FSIP2: variants seen among roughly 807,000 people sequenced by gnomAD.
FSIP2 encodes fibrous sheath-interacting protein 2.
FSIP2 carries 367 observed loss-of-function variants against 510.5 expected under a neutral mutation model. The ratio of observed to expected loss-of-function variants is 0.72; its 90% CI spans 0.66 to 0.78. The LOEUF is 0.78. Among genes scored for constraint, FSIP2 ranks in the 30% least tolerant of loss-of-function variants. FSIP2 has a pLI of 0.00. For synonymous variants in FSIP2, 2,601 were observed against 2,732.2 expected, an observed-to-expected ratio of 0.95 and a Z score of 1.50; for missense variants, 7,594 against 7,901.7, an observed-to-expected ratio of 0.96 and a Z score of 1.48.
rs377418759 is a variant in FSIP2, at chr2:185,806,389, C to T, written c.17083C>T (p.Pro5695Ser). 7.4e-6 allele frequency: 12 copies of T among 1,611,582 alleles called. No homozygotes were observed. The African/African-American group carries it at 1.6e-4, about 22-fold the overall frequency. Residue 5695 changes from proline (P) to serine (S), a missense_variant, in exon 17 of 23, where the codon CCA becomes TCA. Pro to Ser is a moderately conservative substitution (Grantham distance 74). Transcript: ENST00000424728. ...AGATGTTTTAGAACTATCTTCTTCTCCAGAACCAGCATATTATTCGAAACT... is the reference window on the plus strand; with the variant it reads ...AGATGTTTTAGAACTATCTTCTTCTTCAGAACCAGCATATTATTCGAAACT... Reference protein sequence around the residue: ...FEDVLELSSSPEPAYYSKLSY... With the variant: ...FEDVLELSSSSEPAYYSKLSY...
At position 185,797,495 on chromosome 2, in the gene FSIP2, G is replaced by A. The variant is rs1693320779; in HGVS notation, c.10359G>A (p.Val3453=). The part of the protein sequence containing the change: ...HLIARHVTTS[V]VTYLKNFETT... ...TAGCAAGACATGTCACCACATCTGT[G>A]GTCACATATTTGAAGAACTTTGAAA... The change falls in exon 16 of 23, where the codon GTG becomes GTA. Residue 3453 remains valine, a synonymous_variant. Coordinates refer to ENST00000424728, the MANE Select transcript of FSIP2 (RefSeq NM_173651.4). The A allele has an allele frequency of 1.3e-6, 2 of 1,503,654 alleles. No homozygotes were observed. Among genetic ancestry groups the A allele is most frequent in the African/African-American group, 1.4e-5 (1 of 70,670 alleles). The allele number at this position is 1,503,654 out of a possible 1,614,324, so 93.1% of individuals were successfully genotyped here.
chr2:185,804,828 G>T lies in FSIP2; in HGVS notation c.15522G>T (p.Met5174Ile). The change falls in exon 17 of 23, where the codon ATG (methionine) becomes ATT (isoleucine). Residue 5174 changes from methionine (M) to isoleucine (I), a missense_variant. Physicochemically the swap from Met to Ile is conservative, Grantham distance 10. Coordinates refer to ENST00000424728, the MANE Select transcript of FSIP2 (RefSeq NM_173651.4). ...EISEHEIRLS[M>I]AEDNAESMQL... ...CTGAACATGAGATTCGACTTTCCAT[G>T]GCAGAGGATAATGCAGAAAGTATGC... is the stretch of plus-strand genomic sequence containing the variant. 6.5e-7 allele frequency: 1 copy of T among 1,532,366 alleles called. No individual in the cohort carries two copies. The highest frequency in any genetic ancestry group is 8.7e-7 in the Non-Finnish European group (1 of 1,144,742). 94.9% of individuals were successfully genotyped at this position (1,532,366 alleles called of 1,614,324 possible).
intron 20 of FSIP2, among the ~76,000 whole-genome samples, chr2:185,827,354 T>A (rs145136144): frequency 0.012 from 1,841 of 151,912 alleles, 15 homozygotes; most frequent in South Asian, 0.027. Context: ...AAATGCATAG[T>A]TTTTTCTTAT....
At chr2:185,832,827 C>T (rs1694132601) in intron 22 of FSIP2, among the ~76,000 whole-genome samples, 1 of 151,888 alleles carries the variant, frequency 6.6e-6, no homozygotes, top group Non-Finnish European at 1.5e-5. Flanking sequence ...TAGGTGTCCA[C>T]ACTGTATAGA....
Position 185,797,321 on chromosome 2 carries a change from A to G in FSIP2, c.10185A>G (p.Glu3395=). ...QDKKINYIPE[E]ENENLEASRE... ...AAAAAATCAACTATATACCTGAGGA[A>G]GAAAATGAAAACCTTGAAGCCAGCC... Residue 3395 remains glutamate (E), a synonymous_variant, in exon 16 of 23, where the codon GAA becomes GAG. Coordinates refer to ENST00000424728, the MANE Select transcript of FSIP2 (RefSeq NM_173651.4). 1 of 1,525,134 alleles carries G rather than the reference A, an allele frequency of 6.6e-7. No individual in the cohort carries two copies. The allele number at this position is 1,525,134 out of a possible 1,614,324, so 94.5% of individuals were successfully genotyped here.
In FSIP2 at chr2:185,806,765, A is replaced by G; in HGVS notation, c.17459A>G (p.Asn5820Ser). ...DRCQNVSDKQ[N>S]QAKLYDTAMK... is the part of the protein sequence containing the mutation. ...TGTCAAAATGTTAGTGATAAGCAAA[A>G]TCAAGCCAAACTCTATGACACTGCT... Residue 5820 changes from asparagine (N) to serine (S), a missense_variant, in exon 17 of 23, where the codon AAT becomes AGT. Physicochemically the swap from Asn to Ser is conservative, Grantham distance 46. Coordinates refer to ENST00000424728, the MANE Select transcript of FSIP2 (RefSeq NM_173651.4). 1 of 1,612,012 alleles carries G rather than the reference A, an allele frequency of 6.2e-7. No homozygotes were observed. The highest frequency in any genetic ancestry group is 8.5e-7 in the Non-Finnish European group (1 of 1,178,780).
chr2:185,816,927 A>G (rs1401164618), intron 19 of FSIP2, among the ~76,000 whole-genome samples: 2 of 150,716 alleles, frequency 1.3e-5, no homozygotes, highest in African/African-American at 4.9e-5. Flanking sequence ...AAAAGAGTAA[A>G]TGAGAAAGAG....
intron 13 of FSIP2, among the ~76,000 whole-genome samples, chr2:185,778,194 G>T (rs1337581277): frequency 6.6e-6 from 1 of 151,960 alleles, no homozygotes; most frequent in East Asian, 1.9e-4. Context: ...TTGCTAAGCA[G>T]ATGTACTCAG....
intron 13 of FSIP2, 94 bp downstream of exon 13, chr2:185,764,659 G>A: frequency 1.1e-6 from 1 of 881,294 alleles, no homozygotes; most frequent in Non-Finnish European, 1.7e-6. Context: ...TAGATATGGT[G>A]CTAAGTTTTA....
chr2:185,763,213 T>A lies in FSIP2; in HGVS notation c.1271T>A (p.Ile424Asn). The A allele has an allele frequency of 6.6e-7, 1 of 1,507,806 alleles. No homozygotes were observed. Among genetic ancestry groups the A allele is most frequent in the African/African-American group, 1.4e-5 (1 of 72,376 alleles). 93.4% of individuals were successfully genotyped at this position (1,507,806 alleles called of 1,614,324 possible). The change falls in exon 12 of 23, where the codon ATT (isoleucine) becomes AAT (asparagine). Residue 424 changes from isoleucine to asparagine, a missense_variant. Ile to Asn is a moderately radical substitution (Grantham distance 149). Coordinates refer to ENST00000424728, the MANE Select transcript of FSIP2 (RefSeq NM_173651.4). ...ATAAATATTTCAGGCCAAGGTTCAA[T>A]TATTTCAGCGCAGGTATCACCCACG... ...GGINISGQGS[I>N]ISAQVSPTRN...
chr2:185,746,683 T>G lies in FSIP2; in HGVS notation c.632T>G (p.Ile211Arg), dbSNP rs1372322643. ...RLMRHRYLDM[I>R]SRKLEQLERT... ...CTCTTACTCAGATATTTGGATATGA[T>G]AAGTAGAAAACTAGAACAACTTGAA... Residue 211 changes from isoleucine to arginine, a missense_variant, in exon 6 of 23, where the codon ATA (isoleucine) becomes AGA (arginine). By Grantham distance (97) the Ile-to-Arg change is moderately conservative (BLOSUM62 -3). Coordinates refer to ENST00000424728, the MANE Select transcript of FSIP2 (RefSeq NM_173651.4). The G allele has an allele frequency of 6.6e-7, 1 of 1,515,654 alleles. No homozygotes were observed. Among genetic ancestry groups the G allele is most frequent in the Non-Finnish European group, 8.8e-7 (1 of 1,138,992 alleles). 93.9% of individuals were successfully genotyped at this position (1,515,654 alleles called of 1,614,324 possible). A position where few individuals can be genotyped will look rare whatever the true frequency, so the allele number is the denominator to read the frequency against.
rs1415493984 is a variant in FSIP2, at chr2:185,789,022, A to G, written c.1886A>G (p.Asn629Ser). The G allele has an allele frequency of 6.5e-7, 1 of 1,534,110 alleles. No homozygotes were observed. The highest frequency in any genetic ancestry group is 8.7e-7 in the Non-Finnish European group (1 of 1,145,548). ...GQSIISKHKY[N>S]KTNLLYSYPK... The stretch of plus-strand genomic sequence containing the variant: ...TCTATAATCTCTAAACATAAATATA[A>G]TAAAACCAACTTGCTATATTCATAC... The change falls in exon 16 of 23, where the codon AAT (asparagine) becomes AGT (serine). Residue 629 changes from asparagine to serine, a missense_variant. By Grantham distance (46) the Asn-to-Ser change is conservative. Transcript: ENST00000424728.
intron 13 of FSIP2, among the ~76,000 whole-genome samples, chr2:185,767,178 G>A (rs1484250171): frequency 6.8e-6 from 1 of 147,750 alleles, no homozygotes; most frequent in Non-Finnish European, 1.5e-5. Flanking sequence ...TGGGGTGGGG[G>A]CAGGGGGGAG....
chr2:185,814,013 T>G lies in FSIP2; in HGVS notation c.20296T>G (p.Ser6766Ala). The change falls in exon 18 of 23, where the codon TCA (serine) becomes GCA (alanine). Residue 6766 changes from serine to alanine, a missense_variant. Transcript: ENST00000424728. ...TPKTMPETAS[S>A]SWEEKPQCKK... ...AAAGACGATGCCTGAAACAGCCTCTTCATCTTGGGAGGAAAAGCCCCAGTG... is the reference window on the plus strand; with the variant it reads ...AAAGACGATGCCTGAAACAGCCTCTGCATCTTGGGAGGAAAAGCCCCAGTG... 1 of 1,612,908 alleles carries G rather than the reference T, an allele frequency of 6.2e-7. No homozygotes were observed. Among genetic ancestry groups the G allele is most frequent in the South Asian group, 1.1e-5 (1 of 90,998 alleles).
In FSIP2 at chr2:185,759,705, C is replaced by G. The variant is rs552300188; in HGVS notation, c.1079-1283C>G. ...TTATTTGTTTTGTTTATAATTCTTG[C>G]ATGTTTGCTCATGGGGGAATTGAAC... On this transcript the variant is annotated intron_variant, in intron 9 of 22. Coordinates refer to ENST00000424728, the MANE Select transcript of FSIP2 (RefSeq NM_173651.4). Among the ~76,000 whole-genome samples, 24 of 146,936 alleles carry G rather than the reference C, an allele frequency of 1.6e-4. 1 individual carries two copies. In the South Asian group the frequency reaches 4.2e-3, roughly 26 times the overall value.
Position 185,807,170 on chromosome 2 carries a change from A to G in FSIP2, c.17864A>G (p.Asn5955Ser). 1 of 1,602,170 alleles carries G rather than the reference A, an allele frequency of 6.2e-7. No homozygotes were observed. The highest frequency in any genetic ancestry group is 8.5e-7 in the Non-Finnish European group (1 of 1,176,092). Residue 5955 changes from asparagine to serine, a missense_variant, in exon 17 of 23, where the codon AAT becomes AGT. Coordinates refer to ENST00000424728, the MANE Select transcript of FSIP2 (RefSeq NM_173651.4). ...AGAAGACTAACTAGTGCAGTGATAA[A>G]TGAAATTTTCCAACGTCAGGTTAAC... The part of the protein sequence containing the change: ...LARRLTSAVI[N>S]EIFQRQVNLI...
intron 19 of FSIP2, 24 bp from the exon 20 acceptor site, chr2:185,824,410 G>T (rs1693977782): frequency 2.0e-6 from 3 of 1,531,896 alleles, no homozygotes. Flanking sequence ...CACCCTAAAT[G>T]ATGTTCTTTT....
Position 185,792,837 on chromosome 2 carries a change from T to C in FSIP2, c.5701T>C (p.Phe1901Leu). 1 of 1,534,458 alleles carries C rather than the reference T, an allele frequency of 6.5e-7. No homozygotes were observed. The highest frequency in any genetic ancestry group is 8.7e-7 in the Non-Finnish European group (1 of 1,145,776). Residue 1901 changes from phenylalanine (F) to leucine (L), a missense_variant, in exon 16 of 23, where the codon TTT becomes CTT. Coordinates refer to ENST00000424728, the MANE Select transcript of FSIP2 (RefSeq NM_173651.4). ...GGCTTTGGATGAAAATCCATGTACT[T>C]TTCAGTCTAGATTCAGCGTTGCTGA... ...VTALDENPCT[F>L]QSRFSVADKE...
intron 2 of FSIP2, among the ~76,000 whole-genome samples, chr2:185,742,038 A>G (rs768307206): frequency 6.6e-6 from 1 of 152,176 alleles, no homozygotes; most frequent in Non-Finnish European, 1.5e-5. Context: ...CATGCCTGCA[A>G]ATAGGGCAGG....
Sources: gnomAD v4.1 joint callset for allele counts (sites outside exome capture counted in the v4.1 genomes callset) on GRCh38, gnomAD v4.1.1 for gene constraint, MANE v1.5 for transcripts, NCBI Gene and HGNC (gene_info 2026-07-23, HGNC 2026-07-21) for gene names.